Variants in RBFOX1 observed in about 807,000 individuals in gnomAD.
RBFOX1 encodes the protein RNA binding protein fox-1 homolog 1.
Under a neutral mutation model 57.7 loss-of-function variants are expected in RBFOX1, and 8 were observed. The observed-to-expected ratio is 0.14, with a 90% CI of 0.08 to 0.25. RBFOX1 has a LOEUF of 0.25. Ranked by LOEUF, RBFOX1 falls within the 10% of genes least tolerant of loss-of-function variation. The probability of loss-of-function intolerance (pLI) is 1.00; values close to 1 mark genes in which losing one functional copy is unlikely to be tolerated. For synonymous variants in RBFOX1, 326 were observed against 222.4 expected (o/e 1.47, Z -4.15); for missense variants, 611 against 548.5 (o/e 1.11, Z -1.14).
At chr16:7,084,461 C>T (rs750182388) in intron 4 of RBFOX1, among the ~76,000 whole-genome samples, 1 of 152,124 alleles carries the variant, frequency 6.6e-6, no homozygotes, top group Non-Finnish European at 1.5e-5. Context: ...TAATGTCTTA[C>T]TTAGAGAGAT....
intron 4 of RBFOX1, among the ~76,000 whole-genome samples, chr16:7,443,416 C>G (rs1427373423): frequency 6.6e-6 from 1 of 151,894 alleles, no homozygotes; most frequent in African/African-American, 2.4e-5. Flanking sequence ...GCTCTGGCTT[C>G]AAGAGCTCCC....
At chr16:6,712,241 C>G (rs1603450736) in intron 3 of RBFOX1, among the ~76,000 whole-genome samples, 1 of 152,158 alleles carries the variant, frequency 6.6e-6, no homozygotes, top group Non-Finnish European at 1.5e-5. Flanking sequence ...CAAAATGGAA[C>G]TCTGCTATGA....
intron 2 of RBFOX1, among the ~76,000 whole-genome samples, chr16:6,355,046 C>G (rs764342127): frequency 1.3e-5 from 2 of 152,190 alleles, no homozygotes; most frequent in Admixed American, 6.5e-5. Flanking sequence ...TAGCAAAGAA[C>G]ACACTTAGCA....
intron 4 of RBFOX1, among the ~76,000 whole-genome samples, chr16:7,162,417 C>T (rs1011766280): frequency 1.3e-5 from 2 of 151,840 alleles, no homozygotes; most frequent in African/African-American, 2.4e-5. Flanking sequence ...CTCCATTGTG[C>T]AGGTTCTAAA....
chr16:7,557,939 A>C (rs147982889), intron 5 of RBFOX1, among the ~76,000 whole-genome samples: 1 of 152,192 alleles, frequency 6.6e-6, no homozygotes, highest in Non-Finnish European at 1.5e-5. Flanking sequence ...ACCATCACGC[A>C]GTATTTCCAC....
At chr16:6,009,536 T>G (rs2094947585) in intron 4 of RBFOX1, among the ~76,000 whole-genome samples, 1 of 152,122 alleles carries the variant, frequency 6.6e-6, no homozygotes, top group Admixed American at 6.6e-5. Flanking sequence ...CCTGTAGATT[T>G]TAATATATTT....
chr16:6,123,495 T>C (rs2096566779), intron 1 of RBFOX1, among the ~76,000 whole-genome samples: 1 of 152,172 alleles, frequency 6.6e-6, no homozygotes, highest in Non-Finnish European at 1.5e-5. Flanking sequence ...TACCAGGGGC[T>C]GAAATGTGAG....
At chr16:6,599,092 A>G (rs1419699007) in intron 2 of RBFOX1, among the ~76,000 whole-genome samples, 2 of 152,182 alleles carry the variant, frequency 1.3e-5, no homozygotes, top group Non-Finnish European at 2.9e-5. Context: ...TAAAATAAAT[A>G]CCAGTCAGTA....
intron 3 of RBFOX1, among the ~76,000 whole-genome samples, chr16:7,014,605 G>T (rs2093814506): frequency 6.6e-6 from 1 of 151,928 alleles, no homozygotes; most frequent in Non-Finnish European, 1.5e-5. Context: ...AACTGTCTTT[G>T]CAAAAATACA....
intron 1 of RBFOX1, among the ~76,000 whole-genome samples, chr16:6,315,165 C>T (rs925410748): frequency 6.6e-6 from 1 of 152,186 alleles, no homozygotes; most frequent in African/African-American, 2.4e-5. Flanking sequence ...ACTGTTTATT[C>T]CCATTTTAAT....
chr16:7,294,569 G>A (rs1225299607), intron 4 of RBFOX1, among the ~76,000 whole-genome samples: 1 of 151,446 alleles, frequency 6.6e-6, no homozygotes, highest in African/African-American at 2.4e-5. Flanking sequence ...CTTTTGAAAA[G>A]CTTAGGGCAA....
intron 4 of RBFOX1, among the ~76,000 whole-genome samples, chr16:7,389,983 G>C (rs936961796): frequency 1.3e-5 from 2 of 152,094 alleles, no homozygotes; most frequent in Admixed American, 1.3e-4. Flanking sequence ...CAGTTCTGTG[G>C]GTTGTACAGG....
At chr16:7,166,059 G>A (rs550033023) in intron 4 of RBFOX1, among the ~76,000 whole-genome samples, 2 of 152,042 alleles carry the variant, frequency 1.3e-5, no homozygotes, top group East Asian at 3.9e-4. Flanking sequence ...TGTTGCCCAG[G>A]TTGGAGTGCA....
intron 2 of RBFOX1, among the ~76,000 whole-genome samples, chr16:6,423,162 T>A (rs1412293339): frequency 6.6e-6 from 1 of 152,232 alleles, no homozygotes; most frequent in Non-Finnish European, 1.5e-5. Context: ...TTCACTTCTC[T>A]GTCCAGTCTG....
intron 3 of RBFOX1, among the ~76,000 whole-genome samples, chr16:6,702,250 T>G (rs4786917): frequency 0.98 from 148,826 of 152,272 alleles, 72,797 homozygotes; most frequent in Middle Eastern, 1. Flanking sequence ...GAGATATGGA[T>G]GGGACAAATA....
At chr16:7,440,320 A>G (rs9788870) in intron 4 of RBFOX1, among the ~76,000 whole-genome samples, 10,859 of 152,224 alleles carry the variant, frequency 0.071, 616 homozygotes, top group East Asian at 0.33. Context: ...TATGTGAACT[A>G]ACACTGTGAA....
chr16:5,460,599 C>T (rs2068758895), intron 1 of RBFOX1, among the ~76,000 whole-genome samples: 1 of 152,196 alleles, frequency 6.6e-6, no homozygotes, highest in Non-Finnish European at 1.5e-5. Context: ...GAGGGCTCGG[C>T]TGACAGTGCT....
At chr16:6,984,408 C>G (rs1348253360) in intron 3 of RBFOX1, among the ~76,000 whole-genome samples, 2 of 152,102 alleles carry the variant, frequency 1.3e-5, no homozygotes, top group East Asian at 1.9e-4. Flanking sequence ...CCTCACCAGC[C>G]TAGGGGTATC....
At chr16:6,926,284 G>C (rs752439747) in intron 3 of RBFOX1, among the ~76,000 whole-genome samples, 1 of 152,070 alleles carries the variant, frequency 6.6e-6, no homozygotes, top group East Asian at 1.9e-4. Flanking sequence ...TACAGCCTGG[G>C]CAACAGAGCA....
Sources: gnomAD v4.1 joint callset for allele counts (sites outside exome capture counted in the v4.1 genomes callset) on GRCh38, gnomAD v4.1.1 for gene constraint, MANE v1.5 for transcripts, NCBI Gene and HGNC (gene_info 2026-07-23, HGNC 2026-07-21) for gene names.